FBXO38: variants seen among roughly 807,000 people sequenced by gnomAD.
FBXO38 encodes F-box protein 38.
Under a neutral mutation model 131.9 loss-of-function variants are expected in FBXO38, and 53 were observed. The observed-to-expected ratio is 0.40, with a 90% CI of 0.32 to 0.51. FBXO38 has a LOEUF of 0.51. FBXO38 is among the 20% of genes least tolerant of loss of function. FBXO38 has a pLI of 0.53. For synonymous variants in FBXO38, 452 were observed against 505.6 expected (o/e 0.89, Z 1.42); for missense variants, 1,076 against 1,475.6 (o/e 0.73, Z 4.44).
At chr5:148,401,612 A>G (rs1251200828) in intron 3 of FBXO38, among the ~76,000 whole-genome samples, 2 of 152,104 alleles carry the variant, frequency 1.3e-5, no homozygotes, top group Non-Finnish European at 2.9e-5. Context: ...GAGAGTACCC[A>G]TGGGGGAGGA....
Position 148,425,645 on chromosome 5 carries a change from G to T in FBXO38, c.1862G>T (p.Arg621Leu). ...TGGATTCCTAAGAACGGTACTCGGC[G>T]TTACTCTGAACGTGAAGAAAAAACT... ...EVWIPKNGTR[R>L]YSEREEKTGE... Residue 621 changes from arginine to leucine, a missense_variant, in exon 14 of 22, where the codon CGT (arginine) becomes CTT (leucine). Coordinates refer to ENST00000340253, the MANE Select transcript of FBXO38 (RefSeq NM_205836.3). 1 of 1,613,980 alleles carries T rather than the reference G, an allele frequency of 6.2e-7. No individual in the cohort carries two copies. The highest frequency in any genetic ancestry group is 8.5e-7 in the Non-Finnish European group (1 of 1,179,912).
rs748557217 is a variant in FBXO38, at chr5:148,440,541, A to G, written c.3274+14A>G. 1.1e-5 allele frequency: 17 copies of G among 1,505,136 alleles called. No individual in the cohort carries two copies. The highest frequency in any genetic ancestry group is 1.6e-5 in the Non-Finnish European group (17 of 1,084,030). 93.2% of individuals were successfully genotyped at this position (1,505,136 alleles called of 1,614,324 possible). On this transcript the variant is annotated intron_variant, in intron 20 of 21. Coordinates refer to ENST00000340253, the MANE Select transcript of FBXO38 (RefSeq NM_205836.3). ...ATACTTTAGAAGGTGAGTATTTACA[A>G]ATGTTTAGAAAGTTAAATAGCCTGT... is the stretch of plus-strand genomic sequence containing the variant.
At position 148,438,604 on chromosome 5, in the gene FBXO38, C is replaced by G. The variant is rs572525700; in HGVS notation, c.3024+106C>G. 7.0e-6 allele frequency: 8 copies of G among 1,146,562 alleles called. No homozygotes were observed. The East Asian group carries it at 1.9e-4, about 27-fold the overall frequency. The allele number at this position is 1,146,562 out of a possible 1,614,324, so 71.0% of individuals were successfully genotyped here. The stretch of plus-strand genomic sequence containing the variant: ...TGGATTTGGCATTCATTCACTTGCC[C>G]AACCTACAGTAATGATATTTTAGTT... On this transcript the variant is annotated intron_variant, in intron 18 of 21. Coordinates refer to ENST00000340253, the MANE Select transcript of FBXO38 (RefSeq NM_205836.3).
intron 12 of FBXO38, among the ~76,000 whole-genome samples, chr5:148,419,524 AT>A (rs759778948): frequency 6.6e-6 from 1 of 152,342 alleles, no homozygotes; most frequent in Non-Finnish European, 1.5e-5. Context: ...AGTGAAAATA[AT>A]AATTTTAAAA....
At chr5:148,428,958 T>C (rs1301706099) in intron 15 of FBXO38, among the ~76,000 whole-genome samples, 1 of 152,212 alleles carries the variant, frequency 6.6e-6, no homozygotes, top group African/African-American at 2.4e-5. Context: ...AAATGTTTGA[T>C]AATATCTTTT....
At chr5:148,427,141 C>G (rs1279077363) in intron 14 of FBXO38, 72 bp from the exon 15 acceptor site, 3 of 1,503,832 alleles carry the variant, frequency 2.0e-6, no homozygotes, top group Non-Finnish European at 2.7e-6. Flanking sequence ...CAAATTTACT[C>G]TTGCGTTTTG....
intron 12 of FBXO38, among the ~76,000 whole-genome samples, chr5:148,422,294 C>A (rs1420146459): frequency 6.6e-6 from 1 of 152,186 alleles, no homozygotes; most frequent in Admixed American, 6.5e-5. Context: ...ACCACTACAT[C>A]ATTCTTGAAC....
chr5:148,427,954 C>T lies in FBXO38; in HGVS notation c.2653+7C>T. ...CTGCTGGTATCTGAGTCAGGTATGACAATGCTCCTAGGATTAGCAACTGCA... is the reference window on the plus strand; with the variant it reads ...CTGCTGGTATCTGAGTCAGGTATGATAATGCTCCTAGGATTAGCAACTGCA... On this transcript the variant is annotated splice_region_variant and intron_variant, in intron 15 of 21. Coordinates refer to ENST00000340253, the MANE Select transcript of FBXO38 (RefSeq NM_205836.3). 1 of 1,501,866 alleles carries T rather than the reference C, an allele frequency of 6.7e-7. No individual in the cohort carries two copies. Among genetic ancestry groups the T allele is most frequent in the Non-Finnish European group, 8.9e-7 (1 of 1,125,064 alleles). 93.0% of individuals were successfully genotyped at this position (1,501,866 alleles called of 1,614,324 possible). A position where few individuals can be genotyped will look rare whatever the true frequency, so the allele number is the denominator to read the frequency against.
At chr5:148,403,096 A>G (rs1358084088) in intron 5 of FBXO38, among the ~76,000 whole-genome samples, 1 of 152,140 alleles carries the variant, frequency 6.6e-6, no homozygotes, top group African/African-American at 2.4e-5. Context: ...CATTTATAAG[A>G]TCAGGGAGTG....
At chr5:148,410,859 C>T in intron 9 of FBXO38, 94 bp downstream of exon 9, 1 of 1,154,670 alleles carries the variant, frequency 8.7e-7, no homozygotes, top group Non-Finnish European at 1.2e-6. Flanking sequence ...TCTTTTTGAA[C>T]ATAAGACAAC....
intron 1 of FBXO38, among the ~76,000 whole-genome samples, chr5:148,385,710 G>T (rs1757878413): frequency 6.6e-6 from 1 of 152,142 alleles, no homozygotes; most frequent in Non-Finnish European, 1.5e-5. Context: ...GGCTGTCCTG[G>T]TCAGTAGATA....
intron 11 of FBXO38, 24 bp downstream of exon 11, chr5:148,416,094 T>C (rs750437807): frequency 1.3e-6 from 2 of 1,516,818 alleles, no homozygotes; most frequent in South Asian, 2.6e-5. Flanking sequence ...GAGGGAGTTT[T>C]TGTTTATTTT....
At chr5:148,440,351 A>G (rs1207770106) in intron 19 of FBXO38, 73 bp from the exon 20 acceptor site, 4 of 893,454 alleles carry the variant, frequency 4.5e-6, no homozygotes, top group Admixed American at 3.9e-5. Flanking sequence ...AACAGTTTTG[A>G]TGGTTCCTTC....
At chr5:148,393,188 G>GGTGTGTGTGTGTGTGTGTGTGTGTGT (rs60593654) in intron 1 of FBXO38, among the ~76,000 whole-genome samples, 3 of 127,036 alleles carry the variant, frequency 2.4e-5, no homozygotes, top group Non-Finnish European at 3.3e-5. Context: ...ACAGAAGAGG[G>GGTGTGTGTGTGTGTGTGTGTGTGTGT]GTGTGTGTGT....
At position 148,406,284 on chromosome 5, in the gene FBXO38, C is replaced by G; in HGVS notation, c.758C>G (p.Pro253Arg). The change falls in exon 7 of 22, where the codon CCT becomes CGT. Residue 253 changes from proline (P) to arginine (R), a missense_variant. Physicochemically the swap from Pro to Arg is moderately radical, Grantham distance 103. This residue lies in a region of FBXO38 where 66 missense variants were observed against 72.4 expected (regional missense o/e 0.91). Transcript: ENST00000340253. Reference sequence around the variant, plus strand: ...CCCACAAATTCCTTGAAATATGTCCCTTTAGTAACAGGCTTAGCCTCTGCC... The same window carrying G: ...CCCACAAATTCCTTGAAATATGTCCGTTTAGTAACAGGCTTAGCCTCTGCC... ...AGPTNSLKYV[P>R]LVTGLASARN... The G allele has an allele frequency of 6.3e-7, 1 of 1,590,286 alleles. No homozygotes were observed. The highest frequency in any genetic ancestry group is 8.5e-7 in the Non-Finnish European group (1 of 1,169,976).
At chr5:148,408,545 A>G (rs1752565872) in intron 7 of FBXO38, among the ~76,000 whole-genome samples, 1 of 152,272 alleles carries the variant, frequency 6.6e-6, no homozygotes, top group African/African-American at 2.4e-5. Flanking sequence ...ATAAGTGAAC[A>G]GACTACAGCT....
Position 148,414,088 on chromosome 5 carries a change from C to A in FBXO38, c.1094-48C>A, listed in dbSNP as rs969137599. The A allele has an allele frequency of 4.5e-6, 7 of 1,555,370 alleles. No individual in the cohort carries two copies. In the East Asian group the frequency reaches 1.6e-4, roughly 35 times the overall value. On this transcript the variant is annotated intron_variant, in intron 9 of 21. Coordinates refer to ENST00000340253, the MANE Select transcript of FBXO38 (RefSeq NM_205836.3). ...ATACAAAGTTGGTAACACTCCCTAA[C>A]ACTTAAGAATTTGACTTTTTTTTTT... is the stretch of plus-strand genomic sequence containing the variant.
At chr5:148,425,425 A>ATC (rs1472746006) in intron 13 of FBXO38, 97 bp from the exon 14 acceptor site, 2 of 936,476 alleles carry the variant, frequency 2.1e-6, no homozygotes, top group Non-Finnish European at 3.3e-6. Flanking sequence ...TAGAGCCACA[A>ATC]AGCATCTCTG....
rs1245801715 is a variant in FBXO38, at chr5:148,433,531, A to G, written c.2754+7A>G. The stretch of plus-strand genomic sequence containing the variant: ...CGAGGATGACCATGTGCAGGTAGAG[A>G]AAAAACCCTCACTTACCTTTATCAC... On this transcript the variant is annotated splice_region_variant and intron_variant, in intron 16 of 21. Coordinates refer to ENST00000340253, the MANE Select transcript of FBXO38 (RefSeq NM_205836.3). 1 of 1,603,098 alleles carries G rather than the reference A, an allele frequency of 6.2e-7. No homozygotes were observed. The highest frequency in any genetic ancestry group is 8.5e-7 in the Non-Finnish European group (1 of 1,171,402).
Sources: allele counts gnomAD v4.1 joint callset (sites outside exome capture counted in the v4.1 genomes callset), GRCh38; gene constraint gnomAD v4.1.1; regional missense constraint gnomAD v4.1.1; transcripts MANE v1.5; gene names NCBI Gene and HGNC (gene_info 2026-07-23, HGNC 2026-07-21).